The following ROBO2 variants were observed in gnomAD, a reference collection of about 807,000 sequenced individuals.
ROBO2 encodes the protein roundabout homolog 2.
Under a neutral mutation model 160.8 loss-of-function variants are expected in ROBO2, and 53 were observed. The observed-to-expected ratio is 0.33, with a 90% confidence interval of 0.26 to 0.41. The LOEUF is 0.41. Among genes scored for constraint, ROBO2 ranks in the 10% least tolerant of loss-of-function variants. The pLI is 1.00. For missense variants in ROBO2, 1,577 were observed against 1,722.4 expected (o/e 0.92, Z 1.49); for synonymous variants, 664 against 611.7 (o/e 1.09, Z -1.26).
chr3:77,013,039 A>G (rs187568647), intron 2 of ROBO2, among the ~76,000 whole-genome samples: 1 of 152,266 alleles, frequency 6.6e-6, no homozygotes, highest in East Asian at 1.9e-4. Flanking sequence ...AAGTGTTTCT[A>G]AGTATGAATT....
At chr3:76,542,878 C>T (rs1394801608) in intron 2 of ROBO2, among the ~76,000 whole-genome samples, 2 of 152,128 alleles carry the variant, frequency 1.3e-5, no homozygotes, top group Non-Finnish European at 2.9e-5. Flanking sequence ...TCTAACTATA[C>T]TTGACTTCCT....
At chr3:76,116,699 T>G (rs905368250) in intron 2 of ROBO2, among the ~76,000 whole-genome samples, 13 of 152,306 alleles carry the variant, frequency 8.5e-5, no homozygotes, top group African/African-American at 3.1e-4. Flanking sequence ...TAAATTTATT[T>G]GATGCTACAG....
chr3:75,920,505 G>A (rs578097812), intron 1 of ROBO2, among the ~76,000 whole-genome samples: 82 of 152,286 alleles, frequency 5.4e-4, no homozygotes, highest in African/African-American at 1.8e-3. Context: ...TGTATCTTCT[G>A]TTGATTTGGG....
chr3:76,807,919 A>G (rs1360026396), intron 2 of ROBO2, among the ~76,000 whole-genome samples: 1 of 152,088 alleles, frequency 6.6e-6, no homozygotes, highest in Non-Finnish European at 1.5e-5. Flanking sequence ...TAATGCCTAA[A>G]GGATTTATTA....
intron 2 of ROBO2, among the ~76,000 whole-genome samples, chr3:77,362,769 A>G (rs1301537388): frequency 1.3e-5 from 2 of 152,130 alleles, no homozygotes; most frequent in East Asian, 3.9e-4. Flanking sequence ...TCACATGGCT[A>G]GGGAGGCCTC....
chr3:76,871,547 C>G (rs549266555), intron 2 of ROBO2, among the ~76,000 whole-genome samples: 1 of 143,542 alleles, frequency 7.0e-6, no homozygotes, highest in South Asian at 2.2e-4. Context: ...GAGCGAGACT[C>G]CGTCTCAAAA....
intron 2 of ROBO2, among the ~76,000 whole-genome samples, chr3:77,335,090 A>G (rs950062440): frequency 4.6e-5 from 7 of 152,214 alleles, no homozygotes; most frequent in Non-Finnish European, 1.0e-4. Flanking sequence ...TGCTTTTGAC[A>G]TAGCAGATCA....
At chr3:76,966,592 G>T (rs981728258) in intron 2 of ROBO2, among the ~76,000 whole-genome samples, 1 of 152,176 alleles carries the variant, frequency 6.6e-6, no homozygotes, top group South Asian at 2.1e-4. Flanking sequence ...GATAAGAAGG[G>T]GAGGAGATTG....
rs145810412 is a variant in ROBO2 at position 76,249,737 on chromosome 3, C to T, written c.109+312135C>T. Among the ~76,000 whole-genome samples, 72 of 152,082 alleles carry T rather than the reference C, an allele frequency of 4.7e-4. 1 individual carries two copies. In the East Asian group the frequency reaches 7.4e-3, roughly 16 times the overall value. On this transcript the variant is annotated intron_variant, in intron 2 of 26. Transcript: ENST00000487694. ...CCAAAAGACAGACAATTCCACAATG[C>T]GTTTAACTAACTGGAACAAATGGAA...
chr3:76,843,907 G>A (rs184728984), intron 2 of ROBO2, among the ~76,000 whole-genome samples: 40 of 152,160 alleles, frequency 2.6e-4, no homozygotes, highest in African/African-American at 9.4e-4. Context: ...AGCAAGAGGA[G>A]CTAAATTGCA....
intron 2 of ROBO2, among the ~76,000 whole-genome samples, chr3:75,941,610 G>GT (rs1173503286): frequency 5.3e-5 from 8 of 152,226 alleles, no homozygotes; most frequent in Admixed American, 2.6e-4. Flanking sequence ...GCTTACAACT[G>GT]TAGGAAACTT....
chr3:77,585,645 A>C (rs2094027330), intron 16 of ROBO2, among the ~76,000 whole-genome samples: 1 of 152,058 alleles, frequency 6.6e-6, no homozygotes, highest in African/African-American at 2.4e-5. Context: ...ACAAATCACA[A>C]TTCAACCTAG....
At chr3:77,582,798 T>C (rs2093952807) in intron 16 of ROBO2, among the ~76,000 whole-genome samples, 1 of 152,016 alleles carries the variant, frequency 6.6e-6, no homozygotes, top group Non-Finnish European at 1.5e-5. Flanking sequence ...GCAAATAAAT[T>C]CAAAATAAAA....
intron 2 of ROBO2, among the ~76,000 whole-genome samples, chr3:76,268,174 G>A (rs1479912089): frequency 6.6e-6 from 1 of 152,118 alleles, no homozygotes; most frequent in East Asian, 1.9e-4. Context: ...GGAGACGGAG[G>A]TGGGAGGATC....
chr3:76,075,312 C>G (rs1166393827), intron 2 of ROBO2, among the ~76,000 whole-genome samples: 1 of 151,908 alleles, frequency 6.6e-6, no homozygotes, highest in South Asian at 2.1e-4. Flanking sequence ...GCAAGGTACA[C>G]TGGTAATAGC....
At chr3:76,386,341 CCCTCCCTCCCTCCCTCCCTTCCTT>C (rs1331402742) in intron 2 of ROBO2, among the ~76,000 whole-genome samples, 1 of 116,462 alleles carries the variant, frequency 8.6e-6, no homozygotes, top group Non-Finnish European at 1.8e-5. Context: ...CTCCCTCCCT[CCCTCCCTCCCTCCCTCCCTTCCTT>C]CCTCCCCTCC....
chr3:77,014,433 A>C (rs767161588), intron 2 of ROBO2, among the ~76,000 whole-genome samples: 42 of 152,184 alleles, frequency 2.8e-4, no homozygotes, highest in Non-Finnish European at 7.3e-5. Flanking sequence ...GATCTGACGG[A>C]GATACTCATA....
chr3:77,518,439 A>G (rs558171410), intron 5 of ROBO2, among the ~76,000 whole-genome samples: 5 of 151,674 alleles, frequency 3.3e-5, no homozygotes, highest in African/African-American at 1.2e-4. Context: ...GAGCATTTCA[A>G]TAACTAAGTA....
intron 2 of ROBO2, among the ~76,000 whole-genome samples, chr3:77,032,537 T>C (rs2063385134): frequency 6.6e-6 from 1 of 152,188 alleles, no homozygotes; most frequent in Non-Finnish European, 1.5e-5. Flanking sequence ...TATTGCAACA[T>C]AAAGTTTAAA....
Sources: allele counts gnomAD v4.1 joint callset (sites outside exome capture counted in the v4.1 genomes callset), GRCh38; gene constraint gnomAD v4.1.1; transcripts MANE v1.5; gene names NCBI Gene and HGNC (gene_info 2026-07-23, HGNC 2026-07-21).